The following OXR1 variants were observed in gnomAD, a reference collection of about 807,000 sequenced individuals.
The protein encoded by OXR1 is oxidation resistance 1, also known as oxidation resistance protein 1.
In OXR1, 41 loss-of-function variants were observed where a neutral mutation model predicts 104.6. The ratio of observed to expected loss-of-function variants is 0.39; its 90% CI spans 0.31 to 0.51. The LOEUF (loss-of-function observed/expected upper bound fraction) is 0.51. OXR1 is among the 20% of genes least tolerant of loss of function. The probability of loss-of-function intolerance (pLI) is 0.77; values close to 1 mark genes in which losing one functional copy is unlikely to be tolerated. For missense variants in OXR1, 955 were observed against 1,031.9 expected, an observed-to-expected ratio of 0.93 and a Z score of 1.02; for synonymous variants, 348 against 348.4, an observed-to-expected ratio of 1.00 and a Z score of 0.01.
intron 1 of OXR1, among the ~76,000 whole-genome samples, chr8:106,334,215 A>G (rs965621749): frequency 6.6e-6 from 1 of 151,986 alleles, no homozygotes; most frequent in Non-Finnish European, 1.5e-5. Context: ...TTTATACTTG[A>G]TTGCTATTTT....
At chr8:106,601,705 CT>C (rs760778720) in intron 3 of OXR1, among the ~76,000 whole-genome samples, 54 of 152,320 alleles carry the variant, frequency 3.5e-4, no homozygotes, top group Non-Finnish European at 6.5e-4. Context: ...TCCCTGGGTA[CT>C]CTTTTCCTCC....
intron 2 of OXR1, among the ~76,000 whole-genome samples, chr8:106,492,326 C>G (rs867534182): frequency 5.9e-5 from 9 of 152,292 alleles, no homozygotes; most frequent in Non-Finnish European, 1.0e-4. Context: ...ATAGTTAGCT[C>G]AGAAGGCCCT....
chr8:106,412,816 G>GA (rs1330482114), intron 2 of OXR1, among the ~76,000 whole-genome samples: 1 of 151,930 alleles, frequency 6.6e-6, no homozygotes, highest in Non-Finnish European at 1.5e-5. Flanking sequence ...TATAGAATCA[G>GA]AAAAATTATT....
intron 2 of OXR1, chr8:106,447,939 A>G: frequency 6.5e-7 from 1 of 1,534,400 alleles, no homozygotes; most frequent in East Asian, 2.4e-5. Flanking sequence ...GACATCTAGT[A>G]CGGGGCTCAC....
intron 2 of OXR1, among the ~76,000 whole-genome samples, chr8:106,422,492 A>G (rs1361541411): frequency 1.3e-5 from 2 of 151,394 alleles, no homozygotes; most frequent in African/African-American, 4.9e-5. Context: ...TATTCATTAT[A>G]CTAAATAATA....
At chr8:106,544,215 T>G (rs1815174436) in intron 3 of OXR1, among the ~76,000 whole-genome samples, 1 of 151,624 alleles carries the variant, frequency 6.6e-6, no homozygotes, top group Non-Finnish European at 1.5e-5. Flanking sequence ...TTCTTTTTTT[T>G]TTTTTTTCAT....
At chr8:106,504,778 A>G (rs79102819) in intron 2 of OXR1, among the ~76,000 whole-genome samples, 1 of 152,322 alleles carries the variant, frequency 6.6e-6, no homozygotes, top group African/African-American at 2.4e-5. Flanking sequence ...TTAAATAGTT[A>G]TGTCATAATT....
At chr8:106,374,319 C>T (rs1251399509) in intron 2 of OXR1, among the ~76,000 whole-genome samples, 1 of 152,094 alleles carries the variant, frequency 6.6e-6, no homozygotes, top group Non-Finnish European at 1.5e-5. Context: ...TATGCATTTT[C>T]CTTCTCTTTT....
chr8:106,519,154 T>G lies in OXR1; in HGVS notation c.220+15T>G. On this transcript the variant is annotated intron_variant, in intron 3 of 16. Transcript: ENST00000517566. The stretch of plus-strand genomic sequence containing the variant: ...CTACACAATTGGTGAGCACCAGATG[T>G]TTTATGCAAGTGAATAGATGAAATC... 6.5e-7 allele frequency: 1 copy of G among 1,530,954 alleles called. No homozygotes were observed. The allele number at this position is 1,530,954 out of a possible 1,614,324, so 94.8% of individuals were successfully genotyped here.
At chr8:106,534,096 A>G (rs1026463584) in intron 3 of OXR1, among the ~76,000 whole-genome samples, 1 of 152,160 alleles carries the variant, frequency 6.6e-6, no homozygotes, top group Non-Finnish European at 1.5e-5. Context: ...CCAAATTTTA[A>G]TGTGCACGGG....
chr8:106,566,766 T>A (rs1817105605), intron 3 of OXR1, among the ~76,000 whole-genome samples: 1 of 152,184 alleles, frequency 6.6e-6, no homozygotes. Flanking sequence ...GTGGCACATA[T>A]ACACCATAAA....
intron 12 of OXR1, among the ~76,000 whole-genome samples, chr8:106,737,948 A>G (rs553347682): frequency 1.6e-4 from 25 of 152,290 alleles, no homozygotes; most frequent in Admixed American, 2.6e-4. Flanking sequence ...ATATGGTACT[A>G]TAGGAAAACT....
intron 3 of OXR1, among the ~76,000 whole-genome samples, chr8:106,673,022 A>G (rs1042717797): frequency 2.6e-5 from 4 of 152,164 alleles, no homozygotes; most frequent in African/African-American, 9.7e-5. Flanking sequence ...TTGGAACTAC[A>G]AAGTGGGGTA....
At position 106,710,615 on chromosome 8, in the gene OXR1, A is replaced by T; in HGVS notation, c.1625-7A>T. On this transcript the variant is annotated splice_polypyrimidine_tract_variant and splice_region_variant and intron_variant, in intron 9 of 16. Transcript: ENST00000517566. ...TTGAATAAACACTGTTTGCATCTCA[A>T]TTCTAGGTTCTGCACTTTTAAAAGA... 1 of 1,564,188 alleles carries T rather than the reference A, an allele frequency of 6.4e-7. No homozygotes were observed. The highest frequency in any genetic ancestry group is 1.2e-5 in the South Asian group (1 of 82,878).
At chr8:106,659,582 C>T (rs1295026912) in intron 3 of OXR1, among the ~76,000 whole-genome samples, 1 of 152,094 alleles carries the variant, frequency 6.6e-6, no homozygotes, top group Admixed American at 6.5e-5. Flanking sequence ...TTTTCAGTAG[C>T]CTAATTGAAA....
intron 3 of OXR1, among the ~76,000 whole-genome samples, chr8:106,562,640 GAGACAGCA>G (rs1816766485): frequency 6.6e-6 from 1 of 152,010 alleles, no homozygotes; most frequent in Admixed American, 6.6e-5. Flanking sequence ...GACACTCTTC[GAGACAGCA>G]ACCCCAAGAC....
At chr8:106,414,847 GA>G (rs1453427624) in intron 2 of OXR1, among the ~76,000 whole-genome samples, 1 of 152,096 alleles carries the variant, frequency 6.6e-6, no homozygotes, top group Non-Finnish European at 1.5e-5. Flanking sequence ...ACTTAATTAG[GA>G]AGGCACCAGG....
intron 1 of OXR1, among the ~76,000 whole-genome samples, chr8:106,355,736 A>G (rs1265703731): frequency 6.6e-6 from 1 of 152,024 alleles, no homozygotes; most frequent in Non-Finnish European, 1.5e-5. Context: ...TCATCAGAAA[A>G]AATGCAATTC....
At chr8:106,426,997 C>T (rs2130551599) in intron 2 of OXR1, among the ~76,000 whole-genome samples, 1 of 152,170 alleles carries the variant, frequency 6.6e-6, no homozygotes, top group South Asian at 2.1e-4. Context: ...GATATTTCCT[C>T]CCATTGATTT....
Sources: allele counts gnomAD v4.1 joint callset (sites outside exome capture counted in the v4.1 genomes callset), GRCh38; gene constraint gnomAD v4.1.1; transcripts MANE v1.5; gene names NCBI Gene and HGNC (gene_info 2026-07-23, HGNC 2026-07-21).